PCDHGA7: variants seen among roughly 807,000 people sequenced by gnomAD.
The protein encoded by PCDHGA7 is protocadherin gamma subfamily A, 7, also known as protocadherin gamma-A7.
PCDHGA7 carries 44 observed loss-of-function variants against 58.3 expected under a neutral mutation model. The ratio of observed to expected loss-of-function variants is 0.75; its 90% CI spans 0.59 to 0.97. PCDHGA7 has a LOEUF of 0.97. Ranked by LOEUF, PCDHGA7 falls within the 50% of genes least tolerant of loss-of-function variation. The pLI is 0.00. For missense variants in PCDHGA7, 1,266 were observed against 1,188.7 expected, an observed-to-expected ratio of 1.06 and a Z score of -0.96; for synonymous variants, 516 against 504.2, an observed-to-expected ratio of 1.02 and a Z score of -0.31.
chr5:141,384,666 C>T lies in PCDHGA7; in HGVS notation c.1767C>T (p.Thr589=). ...PRSAEPGYLV[T]KVVAVDKDSG... is the part of the protein sequence containing the mutation. ...CCGCAGAGCCCGGCTACCTGGTGAC[C>T]AAGGTGGTGGCGGTGGACAAAGATT... The change falls in exon 1 of 4, where the codon ACC becomes ACT. Residue 589 remains threonine (T), a synonymous_variant. Transcript: ENST00000518325. The T allele has an allele frequency of 6.2e-7, 1 of 1,614,220 alleles. No individual in the cohort carries two copies. The highest frequency in any genetic ancestry group is 8.5e-7 in the Non-Finnish European group (1 of 1,180,044).
chr5:141,405,327 G>A, intron 1 of PCDHGA7: 1 of 1,614,166 alleles, frequency 6.2e-7, no homozygotes. Flanking sequence ...GAGCCTTTGT[G>A]CGTCTCTGTT....
chr5:141,420,669 G>A (rs1018355067), intron 1 of PCDHGA7, among the ~76,000 whole-genome samples: 2 of 152,202 alleles, frequency 1.3e-5, no homozygotes, highest in South Asian at 2.1e-4. Context: ...CATCCTACCT[G>A]ATGATTTTAT....
intron 1 of PCDHGA7, among the ~76,000 whole-genome samples, chr5:141,420,710 G>A (rs2096519301): frequency 6.6e-6 from 1 of 152,186 alleles, no homozygotes; most frequent in South Asian, 2.1e-4. Flanking sequence ...TTCCAGAAAT[G>A]TCGTTCCTTT....
chr5:141,423,647 C>T (rs775169904), intron 1 of PCDHGA7: 3 of 1,589,144 alleles, frequency 1.9e-6, no homozygotes, highest in Non-Finnish European at 2.6e-6. Flanking sequence ...AAATGTGACC[C>T]GACAAGTAAT....
chr5:141,415,594 G>A (rs753362668), intron 1 of PCDHGA7: 1 of 1,613,866 alleles, frequency 6.2e-7, no homozygotes, highest in Non-Finnish European at 8.5e-7. Context: ...TCCTATAGAG[G>A]ATACCCCATT....
intron 1 of PCDHGA7, chr5:141,441,650 G>C (rs932742795): frequency 8.4e-6 from 2 of 238,510 alleles, no homozygotes; most frequent in African/African-American, 2.4e-5. Context: ...TGTGATTCTA[G>C]GTGTCCTTGA....
chr5:141,493,346 C>T lies in PCDHGA7; in HGVS notation c.2425-1461C>T, dbSNP rs766845200. Among the ~76,000 whole-genome samples, 5 of 152,172 alleles carry T rather than the reference C, an allele frequency of 3.3e-5. No individual in the cohort carries two copies. Among genetic ancestry groups the T allele is most frequent in the Non-Finnish European group, 7.3e-5 (5 of 68,028 alleles). On this transcript the variant is annotated intron_variant, in intron 1 of 3. Coordinates refer to ENST00000518325, the MANE Select transcript of PCDHGA7 (RefSeq NM_018920.4). The surrounding 1 kb of genome is among the most constrained non-coding windows in gnomAD (Gnocchi z 4.3). Reference sequence around the variant, plus strand: ...CCCCTGTCTAACTCCAGAATGTGTGCTTTTAATTTCTTGGCACTTGGAACT... The same window carrying T: ...CCCCTGTCTAACTCCAGAATGTGTGTTTTTAATTTCTTGGCACTTGGAACT...
intron 1 of PCDHGA7, chr5:141,394,020 A>G (rs1311759353): frequency 6.2e-7 from 1 of 1,613,426 alleles, no homozygotes; most frequent in African/African-American, 1.3e-5. Context: ...TAATTATTAT[A>G]GATTAGTGAC....
chr5:141,467,897 A>G (rs1403276382), intron 1 of PCDHGA7, among the ~76,000 whole-genome samples: 1 of 152,056 alleles, frequency 6.6e-6, no homozygotes, highest in Non-Finnish European at 1.5e-5. Flanking sequence ...GAGCTCAAGA[A>G]ATCCGCCCAC....
At position 141,480,425 on chromosome 5, in the gene PCDHGA7, AT is replaced by A. The variant is rs553131122; in HGVS notation, c.2425-14380del. On this transcript the variant is annotated intron_variant, in intron 1 of 3. Transcript: ENST00000518325. ...GTGAGACCCTGTCTCAAAAAAAAAA[AT>A]TATCAGCTATTACTATAATTATTTT... 2.3e-4 allele frequency among the ~76,000 whole-genome samples: 34 copies of A among 149,340 alleles called. 1 individual carries two copies. In the South Asian group the frequency reaches 6.0e-3, roughly 26 times the overall value.
chr5:141,495,424 A>C (rs927637242), intron 2 of PCDHGA7, among the ~76,000 whole-genome samples: 1 of 152,088 alleles, frequency 6.6e-6, no homozygotes, highest in African/African-American at 2.4e-5. Context: ...CCCTCCTCCC[A>C]CTGTCCTCTG....
At chr5:141,423,126 G>A (rs1397550571) in intron 1 of PCDHGA7, 1 of 1,613,622 alleles carries the variant, frequency 6.2e-7, no homozygotes, top group Non-Finnish European at 8.5e-7. Context: ...CGCGGGCACT[G>A]CTGGACAGAG....
chr5:141,404,738 A>C (rs1361110725), intron 1 of PCDHGA7: 24 of 1,613,674 alleles, frequency 1.5e-5, no homozygotes, highest in Non-Finnish European at 1.9e-5. Flanking sequence ...GGCAGTGGAC[A>C]GAGACTCAGG....
rs1219684339 is a variant in PCDHGA7, at chr5:141,506,444, CAA to C, written c.2572+983_2572+984del. Among the ~76,000 whole-genome samples the C allele has an allele frequency of 5.9e-3, 564 of 95,004 alleles. 2 individuals carry two copies. The highest frequency in any genetic ancestry group is 0.013 in the African/African-American group (317 of 25,186). 62.3% of individuals were successfully genotyped at this position (95,004 alleles called of 152,430 possible). Reference sequence around the variant, plus strand: ...CCTGGGCAACAGTCTCGCTCTGTCTCAAAAAAAAAAAAAAAAAAAAAGAGCAC... The same window carrying C: ...CCTGGGCAACAGTCTCGCTCTGTCTCAAAAAAAAAAAAAAAAAAAGAGCAC... On this transcript the variant is annotated intron_variant, in intron 3 of 3. Transcript: ENST00000518325.
intron 2 of PCDHGA7, among the ~76,000 whole-genome samples, chr5:141,502,139 C>T (rs923501238): frequency 6.6e-6 from 1 of 152,104 alleles, no homozygotes; most frequent in African/African-American, 2.4e-5. Flanking sequence ...TCAGTCGGGC[C>T]GGAAGTAAGG....
At chr5:141,418,752 C>T (rs2096284996) in intron 1 of PCDHGA7, 1 of 1,613,874 alleles carries the variant, frequency 6.2e-7, no homozygotes, top group African/African-American at 1.3e-5. Flanking sequence ...GATTACACTA[C>T]AGGAAACATT....
At chr5:141,415,490 T>C in intron 1 of PCDHGA7, 2 of 1,614,228 alleles carry the variant, frequency 1.2e-6, no homozygotes, top group Admixed American at 3.3e-5. Flanking sequence ...AAGAGTCACC[T>C]GATCTTCCCC....
rs1452602466 is a variant in PCDHGA7 at position 141,481,941 on chromosome 5, C to A, written c.2425-12866C>A. Among the ~76,000 whole-genome samples, 4 of 146,990 alleles carry A rather than the reference C, an allele frequency of 2.7e-5. No individual in the cohort carries two copies. The Admixed American group carries it at 2.7e-4, about 10-fold the overall frequency. On this transcript the variant is annotated intron_variant, in intron 1 of 3. Coordinates refer to ENST00000518325, the MANE Select transcript of PCDHGA7 (RefSeq NM_018920.4). ...AAAAAAAAAAAAAAAAAAAATCAGC[C>A]AGATGTGGTGGCAGGTGCCTGTAGT...
intron 1 of PCDHGA7, among the ~76,000 whole-genome samples, chr5:141,461,906 C>A (rs2154567542): frequency 6.6e-6 from 1 of 152,270 alleles, no homozygotes; most frequent in South Asian, 2.1e-4. Context: ...TCACTGCAAC[C>A]TCTGCCTCCT....
Sources: allele counts gnomAD v4.1 joint callset (sites outside exome capture counted in the v4.1 genomes callset), GRCh38; gene constraint gnomAD v4.1.1; non-coding constraint Gnocchi (gnomAD v3.1); transcripts MANE v1.5; gene names NCBI Gene and HGNC (gene_info 2026-07-23, HGNC 2026-07-21).